CTNND2: variants seen among roughly 807,000 people sequenced by gnomAD.
CTNND2 encodes catenin delta-2.
A neutral mutation model predicts 144.4 loss-of-function variants in CTNND2; 22 were observed. That is an observed-to-expected ratio of 0.15 (90% CI 0.11 to 0.22). The LOEUF (loss-of-function observed/expected upper bound fraction) is 0.22, where lower values mean the gene tolerates loss of function less well. CTNND2 is among the 10% of genes least tolerant of loss of function. CTNND2 has a pLI of 1.00. For synonymous variants in CTNND2, 751 were observed against 695.6 expected (o/e 1.08, Z -1.25); for missense variants, 1,353 against 1,618.8 (o/e 0.84, Z 2.82).
intron 8 of CTNND2, among the ~76,000 whole-genome samples, chr5:11,361,990 T>C (rs1756499429): frequency 6.6e-6 from 1 of 152,200 alleles, no homozygotes; most frequent in African/African-American, 2.4e-5. Flanking sequence ...ATAAGACCAG[T>C]TGCTCGGGTG....
At chr5:11,744,308 G>C (rs969753024) in intron 1 of CTNND2, among the ~76,000 whole-genome samples, 18 of 152,188 alleles carry the variant, frequency 1.2e-4, no homozygotes, top group African/African-American at 4.1e-4. Context: ...AGGCAAGCTT[G>C]TGACTTGAGA....
At chr5:11,429,492 C>T (rs762027709) in intron 3 of CTNND2, among the ~76,000 whole-genome samples, 10 of 152,094 alleles carry the variant, frequency 6.6e-5, no homozygotes, top group Non-Finnish European at 1.0e-4. Flanking sequence ...TGAAGCAGCT[C>T]GGGAAATTCG....
intron 10 of CTNND2, among the ~76,000 whole-genome samples, chr5:11,228,442 C>T (rs1242604581): frequency 6.8e-6 from 1 of 147,158 alleles, no homozygotes; most frequent in Non-Finnish European, 1.5e-5. Flanking sequence ...CTAACACATG[C>T]TATTAGAATG....
chr5:11,511,494 C>T (rs989069802), intron 3 of CTNND2, among the ~76,000 whole-genome samples: 1 of 152,184 alleles, frequency 6.6e-6, no homozygotes, highest in African/African-American at 2.4e-5. Flanking sequence ...GGACCCCTCA[C>T]ATCGACCATT....
intron 12 of CTNND2, among the ~76,000 whole-genome samples, chr5:11,150,869 A>AC (rs1757701421): frequency 6.6e-6 from 1 of 151,900 alleles, no homozygotes; most frequent in Non-Finnish European, 1.5e-5. Flanking sequence ...CAGGTGATCC[A>AC]CCCGCCTTGG....
At chr5:11,593,315 C>T (rs937841386) in intron 2 of CTNND2, among the ~76,000 whole-genome samples, 3 of 152,126 alleles carry the variant, frequency 2.0e-5, no homozygotes, top group Non-Finnish European at 4.4e-5. Flanking sequence ...CTGTCTTTCT[C>T]TGTATATGTG....
intron 3 of CTNND2, among the ~76,000 whole-genome samples, chr5:11,503,324 G>A (rs994823796): frequency 6.6e-6 from 1 of 152,120 alleles, no homozygotes; most frequent in Non-Finnish European, 1.5e-5. Flanking sequence ...ATACTGCTCG[G>A]ACAAAAACAA....
chr5:11,732,427 A>G (rs1027379812), intron 1 of CTNND2, among the ~76,000 whole-genome samples, 155 bp from the exon 2 acceptor site: 2 of 152,252 alleles, frequency 1.3e-5, no homozygotes, highest in Non-Finnish European at 2.9e-5. Flanking sequence ...GTAATACAGT[A>G]AAGTAAAGTA....
chr5:11,071,556 T>C (rs1353422894), intron 16 of CTNND2, among the ~76,000 whole-genome samples: 4 of 141,660 alleles, frequency 2.8e-5, no homozygotes, highest in African/African-American at 1.0e-4. Flanking sequence ...TCTTCAAAAA[T>C]TTTTTTTTCA....
At chr5:11,418,434 A>C (rs1044449639) in intron 3 of CTNND2, among the ~76,000 whole-genome samples, 5 of 152,308 alleles carry the variant, frequency 3.3e-5, no homozygotes, top group Admixed American at 2.0e-4. Flanking sequence ...AAACAAAAAA[A>C]CAAAATAAAG....
chr5:11,176,014 C>T (rs555319194), intron 11 of CTNND2, among the ~76,000 whole-genome samples: 66 of 152,066 alleles, frequency 4.3e-4, no homozygotes, highest in Non-Finnish European at 6.8e-4. Flanking sequence ...TTTTGAAATG[C>T]CAATTCATTT....
chr5:11,397,094 G>A lies in CTNND2; in HGVS notation c.549C>T (p.Thr183=). ...CTCGGGCCGGGAGCTGTGAAGGGGT[G>A]GTTTCCCCCAGGGCCAGGGTCTGGT... ...HSNQTLALGE[T]TPSQLPARGT... is the part of the protein sequence containing the mutation. Residue 183 remains threonine (T), a synonymous_variant, in exon 6 of 22, where the codon ACC becomes ACT. Coordinates refer to ENST00000304623, the MANE Select transcript of CTNND2 (RefSeq NM_001332.4). 2 of 1,614,090 alleles carry A rather than the reference G, an allele frequency of 1.2e-6. No individual in the cohort carries two copies. The highest frequency in any genetic ancestry group is 2.2e-5 in the South Asian group (2 of 91,076).
At chr5:11,648,115 T>C (rs1195497256) in intron 2 of CTNND2, among the ~76,000 whole-genome samples, 1 of 152,092 alleles carries the variant, frequency 6.6e-6, no homozygotes, top group Non-Finnish European at 1.5e-5. Flanking sequence ...TATATAATTT[T>C]CTGTCTCTCT....
At chr5:10,981,162 G>A (rs1369604544) in intron 21 of CTNND2, among the ~76,000 whole-genome samples, 2 of 152,184 alleles carry the variant, frequency 1.3e-5, no homozygotes, top group Admixed American at 1.3e-4. Context: ...ATCTTGGACG[G>A]GTTAGGGTTA....
intron 3 of CTNND2, among the ~76,000 whole-genome samples, chr5:11,443,244 GTGTGTGTGC>G (rs1561401526): frequency 8.0e-6 from 1 of 124,876 alleles, no homozygotes; most frequent in Non-Finnish European, 1.6e-5. Context: ...TGATGTGTGT[GTGTGTGTGC>G]TGTGTGTGGT....
intron 11 of CTNND2, among the ~76,000 whole-genome samples, chr5:11,176,824 C>T (rs545796817): frequency 7.3e-4 from 111 of 152,248 alleles, no homozygotes; most frequent in Non-Finnish European, 1.3e-3. Flanking sequence ...TCCAATCTAT[C>T]ATGTCATTGC....
chr5:11,776,092 TTCCAGCC>T (rs1056252815), intron 1 of CTNND2, among the ~76,000 whole-genome samples: 44 of 152,300 alleles, frequency 2.9e-4, no homozygotes, highest in African/African-American at 1.1e-3. Context: ...GGTTTAGAAC[TTCCAGCC>T]TCCAGAACTG....
intron 16 of CTNND2, among the ~76,000 whole-genome samples, chr5:11,067,301 T>C (rs1462219210): frequency 6.6e-6 from 1 of 152,216 alleles, no homozygotes; most frequent in Non-Finnish European, 1.5e-5. Context: ...TACTCTAGCA[T>C]TTTTGGAGAA....
intron 6 of CTNND2, among the ~76,000 whole-genome samples, chr5:11,391,174 A>G (rs777718846): frequency 9.8e-5 from 10 of 101,554 alleles, no homozygotes; most frequent in Non-Finnish European, 1.4e-4. Flanking sequence ...TCAATCCTGC[A>G]TAATAAAAAA....
Sources: gnomAD v4.1 joint callset for allele counts (sites outside exome capture counted in the v4.1 genomes callset) on GRCh38, gnomAD v4.1.1 for gene constraint, MANE v1.5 for transcripts, NCBI Gene and HGNC (gene_info 2026-07-23, HGNC 2026-07-21) for gene names.